Variants in ADGRG5 observed in about 807,000 individuals in gnomAD.
ADGRG5 encodes G protein-coupled receptor 114.
A neutral mutation model predicts 53.2 loss-of-function variants in ADGRG5; 37 were observed. The ratio of observed to expected loss-of-function variants is 0.70; its 90% CI spans 0.53 to 0.91. ADGRG5 has a LOEUF of 0.91. Among genes scored for constraint, ADGRG5 ranks in the 40% least tolerant of loss-of-function variants. ADGRG5 has a pLI of 0.00. For synonymous variants in ADGRG5, 277 were observed against 290.4 expected, an observed-to-expected ratio of 0.95 and a Z score of 0.47; for missense variants, 614 against 675.8, an observed-to-expected ratio of 0.91 and a Z score of 1.01.
chr16:57,556,908 C>CATTT (rs2032895581), intron 1 of ADGRG5, among the ~76,000 whole-genome samples: 1 of 115,780 alleles, frequency 8.6e-6, no homozygotes, highest in Non-Finnish European at 1.7e-5. Context: ...TTGCCTTCTT[C>CATTT]TTTTTTTTTT....
Position 57,575,658 on chromosome 16 carries a change from A to C in ADGRG5, c.*120A>C. ...ACCCCAGAGGCCACTGTGACCGCCA[A>C]GGGGCCTTTTCCACTTCCACGGCCT... On this transcript the variant is annotated 3_prime_UTR_variant, in exon 12 of 12. Transcript: ENST00000349457. 1.3e-6 allele frequency: 1 copy of C among 743,336 alleles called. No homozygotes were observed. Among genetic ancestry groups the C allele is most frequent in the Admixed American group, 2.5e-5 (1 of 40,628 alleles). 46.0% of individuals were successfully genotyped at this position (743,336 alleles called of 1,614,324 possible). A position where few individuals can be genotyped will look rare whatever the true frequency, so the allele number is the denominator to read the frequency against.
At position 57,575,542 on chromosome 16, in the gene ADGRG5, G is replaced by A. The variant is rs534581328; in HGVS notation, c.*4G>A. 15 of 1,607,966 alleles carry A rather than the reference G, an allele frequency of 9.3e-6. No individual in the cohort carries two copies. The highest frequency in any genetic ancestry group is 4.0e-5 in the African/African-American group (3 of 74,962). ...CTCCTCCCAAACAACACAGTAGTCCGGGCCTCCTGGCCTGGAATCCTCAGC... is the reference window on the plus strand; with the variant it reads ...CTCCTCCCAAACAACACAGTAGTCCAGGCCTCCTGGCCTGGAATCCTCAGC... On this transcript the variant is annotated 3_prime_UTR_variant, in exon 12 of 12. Coordinates refer to ENST00000349457, the MANE Select transcript of ADGRG5 (RefSeq NM_001304376.3).
At chr16:57,569,457 C>T (rs1015812722) in intron 9 of ADGRG5, among the ~76,000 whole-genome samples, 3 of 151,910 alleles carry the variant, frequency 2.0e-5, no homozygotes, top group Non-Finnish European at 1.5e-5. Context: ...CTATCATCAC[C>T]TGCTCCATCT....
chr16:57,535,686 A>G, the ADGRG5 span, among the ~76,000 whole-genome samples: 1 of 141,586 alleles, frequency 7.1e-6, no homozygotes, highest in African/African-American at 2.6e-5. Context: ...CTTGTACAGC[A>G]GACATCCCGC....
chr16:57,542,431 G>C (rs1256074149), upstream of ADGRG5: 1 of 152,370 alleles, frequency 6.6e-6, no homozygotes, highest in Non-Finnish European at 1.5e-5. Context: ...AGTAGCTGCA[G>C]ACTCTACGGG....
Position 57,570,502 on chromosome 16 carries a change from G to A in ADGRG5, c.1175G>A (p.Trp392Ter). 6.2e-7 allele frequency: 1 copy of A among 1,613,516 alleles called. No homozygotes were observed. The highest frequency in any genetic ancestry group is 2.2e-5 in the East Asian group (1 of 44,880). Residue 392 changes from tryptophan to a stop codon, truncating the protein, a stop_gained, in exon 10 of 12, where the codon TGG (tryptophan) becomes TAG (stop). Coordinates refer to ENST00000349457, the MANE Select transcript of ADGRG5 (RefSeq NM_001304376.3). LOFTEE classifies it high-confidence loss of function. ...GPCTIPVFDSWENGTGFQNMS... is the reference protein window; with the variant it reads ...GPCTIPVFDS ...TGCACAATCCCCGTCTTCGACAGCT[G>A]GGAGAATGGCACAGGCTTCCAGAAC...
rs1307777621 is a variant in ADGRG5, at chr16:57,542,684, G to C, written c.-56G>C. ...AGCAGCCGAGACAGCAGCTGAGACG[G>C]CAGCGGCAGCTTCTCAGGTCAGCCT... On this transcript the variant is annotated 5_prime_UTR_variant, in exon 1 of 12. Coordinates refer to ENST00000349457, the MANE Select transcript of ADGRG5 (RefSeq NM_001304376.3). The C allele has an allele frequency of 6.6e-6, 1 of 152,260 alleles. No homozygotes were observed. The highest frequency in any genetic ancestry group is 2.4e-5 in the African/African-American group (1 of 41,426). 9.4% of individuals were successfully genotyped at this position (152,260 alleles called of 1,614,324 possible).
chr16:57,563,338 T>C (rs1313239933), intron 4 of ADGRG5, 91 bp downstream of exon 4: 10 of 1,145,904 alleles, frequency 8.7e-6, no homozygotes, highest in Non-Finnish European at 1.3e-5. Flanking sequence ...TAGGCTCCAC[T>C]GTCTTCCTCC....
At chr16:57,564,204 G>A (rs1032442215) in intron 5 of ADGRG5, among the ~76,000 whole-genome samples, 8 of 152,160 alleles carry the variant, frequency 5.3e-5, no homozygotes, top group Admixed American at 5.2e-4. Flanking sequence ...TAAGACCTAA[G>A]AAACCTACGA....
chr16:57,539,818 G>A (rs1236313996), upstream of ADGRG5, among the ~76,000 whole-genome samples: 2 of 130,654 alleles, frequency 1.5e-5, no homozygotes, highest in Non-Finnish European at 3.3e-5. Context: ...GTGTGTGTGC[G>A]TGTATATATA....
rs1482394587 is a variant in ADGRG5, at chr16:57,568,173, G to A, written c.1090+49G>A. 4 of 1,591,942 alleles carry A rather than the reference G, an allele frequency of 2.5e-6. No homozygotes were observed. In the South Asian group the frequency reaches 4.5e-5, roughly 18 times the overall value. On this transcript the variant is annotated intron_variant, in intron 9 of 11. Coordinates refer to ENST00000349457, the MANE Select transcript of ADGRG5 (RefSeq NM_001304376.3). ...CTCCTCAGACTTCCAGGTGGGCAGG[G>A]TATTGATCCCCTTTAGTCCTTTCTT... is the stretch of plus-strand genomic sequence containing the variant.
chr16:57,568,747 A>G (rs1311836197), intron 9 of ADGRG5, among the ~76,000 whole-genome samples: 4 of 144,168 alleles, frequency 2.8e-5, no homozygotes, highest in Non-Finnish European at 3.0e-5. Context: ...CACCTCCATC[A>G]CCTCCATCAC....
chr16:57,539,577 TGAGTAGGTG>T (rs2032460240), upstream of ADGRG5, among the ~76,000 whole-genome samples: 1 of 151,018 alleles, frequency 6.6e-6, no homozygotes, highest in South Asian at 2.1e-4. Flanking sequence ...CTCAGCCTCC[TGAGTAGGTG>T]GATCTACAGG....
the ADGRG5 span, among the ~76,000 whole-genome samples, chr16:57,536,207 C>T: frequency 6.6e-6 from 1 of 152,060 alleles, no homozygotes; most frequent in African/African-American, 2.4e-5. Flanking sequence ...TCCCCGCCCG[C>T]CGCCCCCTCC....
intron 3 of ADGRG5, 93 bp from the exon 4 acceptor site, chr16:57,562,998 G>A (rs2033039741): frequency 1.6e-6 from 2 of 1,271,606 alleles, no homozygotes; most frequent in Non-Finnish European, 2.3e-6. Context: ...GGTGTGGGTG[G>A]GGAGGCCCTG....
At chr16:57,537,714 C>T (rs1360451180), upstream of ADGRG5, among the ~76,000 whole-genome samples, 1 of 152,124 alleles carries the variant, frequency 6.6e-6, no homozygotes, top group African/African-American at 2.4e-5. Context: ...CTGTGGGCAG[C>T]GGCTGTTCCA....
chr16:57,563,031 C>T lies in ADGRG5; in HGVS notation c.141-60C>T, dbSNP rs1400026634. The T allele has an allele frequency of 2.5e-6, 4 of 1,588,530 alleles. No homozygotes were observed. The African/African-American group carries it at 5.4e-5, about 21-fold the overall frequency. Reference sequence around the variant, plus strand: ...CTGCCCTCCCAGGCTGTCTACAGCCCCCTCTCACCCTTACCCCACTCCGGG... The same window carrying T: ...CTGCCCTCCCAGGCTGTCTACAGCCTCCTCTCACCCTTACCCCACTCCGGG... On this transcript the variant is annotated intron_variant, in intron 3 of 11. Transcript: ENST00000349457.
the ADGRG5 span, among the ~76,000 whole-genome samples, chr16:57,529,577 T>G: frequency 6.6e-6 from 1 of 152,192 alleles, no homozygotes; most frequent in Non-Finnish European, 1.5e-5. The surrounding 1 kb of genome is among the most constrained non-coding windows in gnomAD (Gnocchi z 4.1). Flanking sequence ...ATTCTCCCGG[T>G]CCCGGCTCAC....
Position 57,575,658 on chromosome 16 carries a change from A to G in ADGRG5, c.*120A>G. Reference sequence around the variant, plus strand: ...ACCCCAGAGGCCACTGTGACCGCCAAGGGGCCTTTTCCACTTCCACGGCCT... The same window carrying G: ...ACCCCAGAGGCCACTGTGACCGCCAGGGGGCCTTTTCCACTTCCACGGCCT... On this transcript the variant is annotated 3_prime_UTR_variant, in exon 12 of 12. Coordinates refer to ENST00000349457, the MANE Select transcript of ADGRG5 (RefSeq NM_001304376.3). 1 of 743,336 alleles carries G rather than the reference A, an allele frequency of 1.3e-6. No individual in the cohort carries two copies. Among genetic ancestry groups the G allele is most frequent in the Non-Finnish European group, 2.3e-6 (1 of 442,168 alleles). 46.0% of individuals were successfully genotyped at this position (743,336 alleles called of 1,614,324 possible).
Sources: gnomAD v4.1 joint callset for allele counts (sites outside exome capture counted in the v4.1 genomes callset) on GRCh38, gnomAD v4.1.1 for gene constraint, Gnocchi (gnomAD v3.1) non-coding constraint, MANE v1.5 for transcripts, NCBI Gene and HGNC (gene_info 2026-07-23, HGNC 2026-07-21) for gene names.